Variants in TAOK3 observed in about 807,000 individuals in gnomAD.
TAOK3 encodes the protein TAO kinase 3.
A neutral mutation model predicts 120.4 loss-of-function variants in TAOK3; 40 were observed. That is an observed-to-expected ratio of 0.33 (90% CI 0.26 to 0.43). TAOK3 has a LOEUF of 0.43. TAOK3 is among the 20% of genes least tolerant of loss of function. The pLI is 1.00. For synonymous variants in TAOK3, 355 were observed against 387.5 expected, an observed-to-expected ratio of 0.92 and a Z score of 0.99; for missense variants, 821 against 1,112.1, an observed-to-expected ratio of 0.74 and a Z score of 3.72.
At position 118,172,446 on chromosome 12, in the gene TAOK3, G is replaced by A. The variant is rs751378383; in HGVS notation, c.1899+11C>T. On this transcript the variant is annotated intron_variant, in intron 17 of 20. Transcript: ENST00000392533. ...TATGTCAATGACAATAGTTACGAGC[G>A]TAATAAATACCTCCCGAATGTTCTG... The A allele has an allele frequency of 5.3e-5, 85 of 1,613,598 alleles. No homozygotes were observed. Among genetic ancestry groups the A allele is most frequent in the Middle Eastern group, 1.6e-4 (1 of 6,084 alleles).
intron 2 of TAOK3, among the ~76,000 whole-genome samples, chr12:118,262,127 C>T (rs544874187): frequency 6.9e-4 from 105 of 152,064 alleles, no homozygotes; most frequent in Non-Finnish European, 1.3e-3. Context: ...TCCCAAAGTG[C>T]CGGGATGACA....
chr12:118,258,373 T>G (rs1331880118), intron 2 of TAOK3, among the ~76,000 whole-genome samples: 3 of 152,120 alleles, frequency 2.0e-5, no homozygotes, highest in Non-Finnish European at 4.4e-5. Context: ...GGAAAGTAAC[T>G]TAAATCCAGC....
At chr12:118,243,327 A>T in intron 5 of TAOK3, 88 bp downstream of exon 5, 1 of 711,506 alleles carries the variant, frequency 1.4e-6, no homozygotes. Flanking sequence ...AAATGAAATT[A>T]GTAATTTTAC....
intron 1 of TAOK3, among the ~76,000 whole-genome samples, chr12:118,344,671 G>A (rs1443873033): frequency 6.6e-6 from 1 of 151,616 alleles, no homozygotes; most frequent in Non-Finnish European, 1.5e-5. Context: ...TTTTGCAGAA[G>A]TAAAAAAAAT....
intron 9 of TAOK3, among the ~76,000 whole-genome samples, chr12:118,220,461 G>A (rs1468489429): frequency 6.6e-6 from 1 of 151,676 alleles, no homozygotes; most frequent in Non-Finnish European, 1.5e-5. Context: ...ACTAAGTCTC[G>A]GGGCTCATGA....
At position 118,372,367 on chromosome 12, in the gene TAOK3, C is replaced by T. The variant is rs576806819; in HGVS notation, c.-194+281G>A. On this transcript the variant is annotated intron_variant, in intron 1 of 20. Coordinates refer to ENST00000392533, the MANE Select transcript of TAOK3 (RefSeq NM_016281.4). This position sits in a 1 kb window ranked among gnomAD's most constrained non-coding sequence, Gnocchi z 4.6. ...CCACCCCTCACCCCACTACCCCAGC[C>T]CCTCTCCGGGTCCCTTCCTCTCACG... Among the ~76,000 whole-genome samples, 27 of 151,476 alleles carry T rather than the reference C, an allele frequency of 1.8e-4. 1 individual carries two copies. In the South Asian group the frequency reaches 5.4e-3, roughly 31 times the overall value.
In TAOK3 at chr12:118,235,643, T is replaced by A. The variant is rs2039989849; in HGVS notation, c.466A>T (p.Thr156Ser). 1 of 1,613,386 alleles carries A rather than the reference T, an allele frequency of 6.2e-7. No individual in the cohort carries two copies. Among genetic ancestry groups the A allele is most frequent in the African/African-American group, 1.3e-5 (1 of 74,934 alleles). ...GCTAGTTTTACCTGACCTGGCTCTGTTAGAAGAATATTTCCTGCTTTAATA... is the reference window on the plus strand; with the variant it reads ...GCTAGTTTTACCTGACCTGGCTCTGATAGAAGAATATTTCCTGCTTTAATA... ...RDIKAGNILLTEPGQVKLADF... is the reference protein window; with the variant it reads ...RDIKAGNILLSEPGQVKLADF... The change falls in exon 8 of 21, where the codon ACA (threonine) becomes TCA (serine). Residue 156 changes from threonine (T) to serine (S), a missense_variant. Around this residue, in one of 2 missense-constraint regions of TAOK3, gnomAD observed 467 missense variants for 540.0 expected, o/e 0.86. Transcript: ENST00000392533.
chr12:118,333,390 T>A (rs1331985660), intron 1 of TAOK3, among the ~76,000 whole-genome samples: 1 of 152,138 alleles, frequency 6.6e-6, no homozygotes, highest in Non-Finnish European at 1.5e-5. Context: ...ATGCATGAGT[T>A]AAAAAAGAAG....
At chr12:118,172,878 C>T (rs965185521) in intron 16 of TAOK3, among the ~76,000 whole-genome samples, 8 of 152,286 alleles carry the variant, frequency 5.3e-5, no homozygotes, top group African/African-American at 1.9e-4. Context: ...TGGTTTCTCA[C>T]TAACAGAAAT....
At chr12:118,179,532 G>A (rs1247217833) in intron 15 of TAOK3, among the ~76,000 whole-genome samples, 1 of 152,042 alleles carries the variant, frequency 6.6e-6, no homozygotes, top group African/African-American at 2.4e-5. Flanking sequence ...CACCAACATG[G>A]CAGATGTATA....
chr12:118,284,981 A>AAAG (rs1176013924), intron 1 of TAOK3, among the ~76,000 whole-genome samples: 1 of 151,818 alleles, frequency 6.6e-6, no homozygotes, highest in Non-Finnish European at 1.5e-5. Context: ...TATATTTTTT[A>AAAG]AAGATTACTC....
intron 14 of TAOK3, among the ~76,000 whole-genome samples, chr12:118,182,386 C>A (rs866653289): frequency 6.6e-6 from 1 of 151,758 alleles, no homozygotes; most frequent in South Asian, 2.1e-4. Context: ...TGACAACGAG[C>A]CCGATAATTA....
chr12:118,278,637 C>T (rs6490173), intron 1 of TAOK3, among the ~76,000 whole-genome samples: 34,658 of 151,940 alleles, frequency 0.23, 4,392 homozygotes, highest in African/African-American at 0.34. Context: ...TAGAATGATT[C>T]ATATTCCTTT....
chr12:118,295,640 T>C lies in TAOK3; in HGVS notation c.-193-28881A>G, dbSNP rs75427497. Among the ~76,000 whole-genome samples the C allele has an allele frequency of 8.6e-3, 1,312 of 152,338 alleles. 12 individuals are homozygous for C. Among genetic ancestry groups the C allele is most frequent in the African/African-American group, 0.029 (1,208 of 41,566 alleles). On this transcript the variant is annotated intron_variant, in intron 1 of 20. Transcript: ENST00000392533. ...TGCTCCTTAGCACAAGGTTCTTGAC[T>C]GAAACAGTTTCTCAATAAATACTCT...
chr12:118,205,607 C>T (rs2038258352), intron 11 of TAOK3, among the ~76,000 whole-genome samples: 1 of 151,908 alleles, frequency 6.6e-6, no homozygotes, highest in Non-Finnish European at 1.5e-5. Context: ...TGTCATTCCC[C>T]CATTCCAACT....
At chr12:118,329,831 T>A (rs963048962) in intron 1 of TAOK3, among the ~76,000 whole-genome samples, 13 of 152,166 alleles carry the variant, frequency 8.5e-5, no homozygotes, top group Non-Finnish European at 1.8e-4. Context: ...AAGATTTGCA[T>A]AAAGATTTGT....
intron 1 of TAOK3, among the ~76,000 whole-genome samples, chr12:118,353,646 TC>T (rs2045271322): frequency 6.6e-6 from 1 of 152,068 alleles, no homozygotes; most frequent in South Asian, 2.1e-4. Flanking sequence ...CCTGTGGTAG[TC>T]CAGGAACGAG....
intron 1 of TAOK3, among the ~76,000 whole-genome samples, chr12:118,362,631 C>G (rs1032832291): frequency 2.2e-4 from 33 of 152,254 alleles, no homozygotes; most frequent in African/African-American, 7.7e-4. Context: ...AGTGCTAAGC[C>G]TCCCTCTCCC....
chr12:118,352,194 G>T (rs1457308199), intron 1 of TAOK3, among the ~76,000 whole-genome samples: 1 of 151,946 alleles, frequency 6.6e-6, no homozygotes. Context: ...CTATAGGATG[G>T]AAAGCTGTTA....
Sources: gnomAD v4.1 joint callset for allele counts (sites outside exome capture counted in the v4.1 genomes callset) on GRCh38, gnomAD v4.1.1 for gene constraint, gnomAD v4.1.1 regional missense constraint, Gnocchi (gnomAD v3.1) non-coding constraint, MANE v1.5 for transcripts, NCBI Gene and HGNC (gene_info 2026-07-23, HGNC 2026-07-21) for gene names.